LRRTM4: variants seen among roughly 807,000 people sequenced by gnomAD.
LRRTM4 encodes the protein leucine rich repeat transmembrane neuronal 4.
Under a neutral mutation model 47.6 loss-of-function variants are expected in LRRTM4, and 25 were observed. The observed-to-expected ratio is 0.53, with a 90% CI of 0.38 to 0.73. The LOEUF (loss-of-function observed/expected upper bound fraction) is 0.73, where lower values mean the gene tolerates loss of function less well. Among genes scored for constraint, LRRTM4 ranks in the 30% least tolerant of loss-of-function variants. LRRTM4 has a pLI of 0.00. For missense variants in LRRTM4, 638 were observed against 713.4 expected (o/e 0.89, Z 1.20); for synonymous variants, 311 against 269.5 (o/e 1.15, Z -1.51).
At chr2:77,016,067 T>G in intron 3 of LRRTM4, among the ~76,000 whole-genome samples, 1 of 150,840 alleles carries the variant, frequency 6.6e-6, no homozygotes, top group East Asian at 2.0e-4. Context: ...GGTGACAGAA[T>G]GAGATTCTGT....
At chr2:77,039,433 A>C (rs2104169594) in intron 3 of LRRTM4, among the ~76,000 whole-genome samples, 1 of 151,184 alleles carries the variant, frequency 6.6e-6, no homozygotes, top group Non-Finnish European at 1.5e-5. Context: ...CAGTTCCCTC[A>C]GAGTCAATGA....
intron 3 of LRRTM4, among the ~76,000 whole-genome samples, chr2:76,990,798 C>A (rs1009444287): frequency 1.3e-4 from 19 of 151,696 alleles, no homozygotes; most frequent in African/African-American, 4.6e-4. Flanking sequence ...ACCAATTGGA[C>A]CTAATAGACA....
intron 3 of LRRTM4, among the ~76,000 whole-genome samples, chr2:77,139,349 T>C (rs1441641783): frequency 1.3e-5 from 2 of 152,120 alleles, no homozygotes; most frequent in Non-Finnish European, 2.9e-5. Flanking sequence ...TAATCCAGCA[T>C]ATCAACAGAA....
intron 3 of LRRTM4, among the ~76,000 whole-genome samples, chr2:76,788,962 A>G (rs1185653286): frequency 1.3e-5 from 2 of 152,192 alleles, no homozygotes; most frequent in Non-Finnish European, 2.9e-5. Flanking sequence ...CATTGTACAG[A>G]TGAGAAAGCT....
intron 3 of LRRTM4, among the ~76,000 whole-genome samples, chr2:77,475,857 T>A (rs1677366999): frequency 6.6e-6 from 1 of 151,988 alleles, no homozygotes; most frequent in Non-Finnish European, 1.5e-5. Flanking sequence ...AATTTATATT[T>A]CTTTTTTCCC....
chr2:77,306,895 A>ATTTTTTTTTTTTTTTTTTTTTTTTTTTT (rs1491512359), intron 3 of LRRTM4, among the ~76,000 whole-genome samples: 1 of 125,586 alleles, frequency 8.0e-6, no homozygotes, highest in African/African-American at 3.9e-5. Context: ...CTGCTTTTCC[A>ATTTTTTTTTTTTTTTTTTTTTTTTTTTT]TATTTTTTTT....
intron 3 of LRRTM4, among the ~76,000 whole-genome samples, chr2:77,257,801 C>A (rs13432868): frequency 6.6e-6 from 1 of 151,572 alleles, no homozygotes; most frequent in South Asian, 2.1e-4. Flanking sequence ...CTGAAGAGAA[C>A]ACATTAATGG....
At chr2:77,462,730 A>G (rs1004427696) in intron 3 of LRRTM4, among the ~76,000 whole-genome samples, 12 of 152,126 alleles carry the variant, frequency 7.9e-5, no homozygotes, top group Admixed American at 5.2e-4. Flanking sequence ...AACGGAAACA[A>G]AGTAGGTCTT....
rs1558630565 is a variant in LRRTM4, at chr2:76,748,849, G to A, written c.1619C>T (p.Ala540Val). ...YDQPVIGYCQ[A>V]HQPLHVTKGY... The stretch of plus-strand genomic sequence containing the variant: ...CTTGGTGACATGGAGTGGCTGGTGG[G>A]CCTGGCAGTACCCGATCACAGGCTG... Residue 540 changes from alanine to valine, a missense_variant, in exon 4 of 4, where the codon GCC (alanine) becomes GTC (valine). By Grantham distance (64) the Ala-to-Val change is moderately conservative. Transcript: ENST00000409884. The A allele has an allele frequency of 6.2e-7, 1 of 1,614,032 alleles. No individual in the cohort carries two copies. The highest frequency in any genetic ancestry group is 2.2e-5 in the East Asian group (1 of 44,872).
chr2:77,290,787 CTT>C (rs962134769), intron 3 of LRRTM4, among the ~76,000 whole-genome samples: 6 of 152,090 alleles, frequency 3.9e-5, no homozygotes, highest in South Asian at 2.1e-4. Context: ...TCCTTTTCCT[CTT>C]GTTTTTCCTA....
At chr2:77,136,124 G>C (rs902886058) in intron 3 of LRRTM4, among the ~76,000 whole-genome samples, 2 of 152,100 alleles carry the variant, frequency 1.3e-5, no homozygotes, top group Non-Finnish European at 2.9e-5. Context: ...GCTTTGAAGA[G>C]AGTAGTGGTT....
At chr2:77,092,058 C>T (rs2103888808) in intron 3 of LRRTM4, among the ~76,000 whole-genome samples, 1 of 152,158 alleles carries the variant, frequency 6.6e-6, no homozygotes, top group East Asian at 1.9e-4. Context: ...TTTTAAAGGC[C>T]CTCAAAATCA....
intron 3 of LRRTM4, among the ~76,000 whole-genome samples, chr2:77,073,000 A>T (rs533231452): frequency 2.6e-5 from 4 of 152,138 alleles, no homozygotes; most frequent in African/African-American, 7.2e-5. Context: ...TGTGATGTTA[A>T]TATCAATAGC....
At chr2:77,257,107 C>T (rs1357668465) in intron 3 of LRRTM4, among the ~76,000 whole-genome samples, 1 of 151,988 alleles carries the variant, frequency 6.6e-6, no homozygotes, top group Non-Finnish European at 1.5e-5. Context: ...ATGACAAAAA[C>T]TCAGAAAACT....
At chr2:77,030,258 C>T (rs898098123) in intron 3 of LRRTM4, among the ~76,000 whole-genome samples, 2 of 152,070 alleles carry the variant, frequency 1.3e-5, no homozygotes, top group African/African-American at 4.8e-5. Context: ...CAGTGAAACC[C>T]TGTCTCTACT....
rs142993269 is a variant in LRRTM4, at chr2:76,828,540, T to C, written c.1552-79624A>G. 2.6e-3 allele frequency among the ~76,000 whole-genome samples: 398 copies of C among 152,064 alleles called. 2 individuals are homozygous for C. The highest frequency in any genetic ancestry group is 0.01 in the Middle Eastern group (3 of 294). On this transcript the variant is annotated intron_variant, in intron 3 of 3. Coordinates refer to ENST00000409884, the MANE Select transcript of LRRTM4 (RefSeq NM_001134745.3). ...TGTAATGCTGCCCTTTGAGAAAGGA[T>C]AAGAGAAATGTGTATAGGTTCATTA...
intron 3 of LRRTM4, among the ~76,000 whole-genome samples, chr2:76,944,190 T>C (rs1450357867): frequency 6.6e-6 from 1 of 152,132 alleles, no homozygotes; most frequent in Non-Finnish European, 1.5e-5. Flanking sequence ...CTGCATGTTG[T>C]TTCTTCTTTG....
chr2:76,928,143 G>A (rs530550573), intron 3 of LRRTM4, among the ~76,000 whole-genome samples: 3 of 152,258 alleles, frequency 2.0e-5, no homozygotes, highest in African/African-American at 4.8e-5. Context: ...AAGGACAGGA[G>A]CCATGTGGAT....
At chr2:76,775,880 T>A (rs1673956815) in intron 3 of LRRTM4, among the ~76,000 whole-genome samples, 1 of 152,100 alleles carries the variant, frequency 6.6e-6, no homozygotes, top group Non-Finnish European at 1.5e-5. Context: ...TAGCATTAGG[T>A]ATGTCTCCCA....
Sources: gnomAD v4.1 joint callset for allele counts (sites outside exome capture counted in the v4.1 genomes callset) on GRCh38, gnomAD v4.1.1 for gene constraint, MANE v1.5 for transcripts, NCBI Gene and HGNC (gene_info 2026-07-23, HGNC 2026-07-21) for gene names.